The following UBE2E2 variants were observed in gnomAD, a reference collection of about 807,000 sequenced individuals.
UBE2E2 encodes the protein ubiquitin conjugating enzyme E2 E2, also known as ubiquitin-conjugating enzyme E2 E2.
UBE2E2 carries 6 observed loss-of-function variants against 24.7 expected under a neutral mutation model. The observed-to-expected ratio is 0.24, with a 90% CI of 0.13 to 0.48. The LOEUF is 0.48. UBE2E2 is among the 20% of genes least tolerant of loss of function. UBE2E2 has a pLI of 0.99. For synonymous variants in UBE2E2, 104 were observed against 83.6 expected (o/e 1.24, Z -1.33); for missense variants, 169 against 245.0 (o/e 0.69, Z 2.07).
intron 3 of UBE2E2, among the ~76,000 whole-genome samples, chr3:23,390,397 CA>C (rs1696907310): frequency 6.6e-6 from 1 of 152,162 alleles, no homozygotes; most frequent in African/African-American, 2.4e-5. Context: ...TAAGTTGAGA[CA>C]ACATGGCTTC....
At chr3:23,464,501 T>C (rs116272373) in intron 3 of UBE2E2, among the ~76,000 whole-genome samples, 3 of 152,278 alleles carry the variant, frequency 2.0e-5, no homozygotes, top group African/African-American at 7.2e-5. Context: ...GGGAGATATA[T>C]ATATATAAAG....
chr3:23,529,163 G>T (rs11713090), intron 4 of UBE2E2, among the ~76,000 whole-genome samples: 25,855 of 152,162 alleles, frequency 0.17, 2,365 homozygotes, highest in Middle Eastern at 0.24. Flanking sequence ...GGCAACTATG[G>T]CTATCGCAGG....
At chr3:23,431,905 G>A (rs901024576) in intron 3 of UBE2E2, among the ~76,000 whole-genome samples, 1 of 152,138 alleles carries the variant, frequency 6.6e-6, no homozygotes, top group African/African-American at 2.4e-5. Flanking sequence ...AGTACAAGCT[G>A]ATAAGTAGTC....
At chr3:23,362,881 T>G (rs1262274694) in intron 3 of UBE2E2, among the ~76,000 whole-genome samples, 1 of 152,134 alleles carries the variant, frequency 6.6e-6, no homozygotes, top group Non-Finnish European at 1.5e-5. Flanking sequence ...GCTTGTAAAG[T>G]GTCTAGAGAG....
intron 5 of UBE2E2, among the ~76,000 whole-genome samples, chr3:23,578,901 A>G (rs1470767483): frequency 6.6e-6 from 1 of 152,162 alleles, no homozygotes; most frequent in East Asian, 1.9e-4. Context: ...AAACATGCAC[A>G]TCCTGCACAT....
intron 3 of UBE2E2, among the ~76,000 whole-genome samples, chr3:23,458,425 TG>T (rs1698730138): frequency 6.6e-6 from 1 of 150,958 alleles, no homozygotes; most frequent in African/African-American, 2.4e-5. Flanking sequence ...GTGGTGGTGG[TG>T]GTTGTTGTTG....
intron 3 of UBE2E2, among the ~76,000 whole-genome samples, chr3:23,471,674 A>C (rs1238507968): frequency 6.6e-6 from 1 of 152,242 alleles, no homozygotes; most frequent in African/African-American, 2.4e-5. Flanking sequence ...GAAGCAGACA[A>C]ACCAAAGTTG....
chr3:23,224,163 T>G (rs888627194), intron 3 of UBE2E2, among the ~76,000 whole-genome samples: 16 of 149,034 alleles, frequency 1.1e-4, no homozygotes, highest in South Asian at 2.1e-4. Context: ...TAGGTTTTTT[T>G]TTTTTTTTTT....
chr3:23,341,628 C>T (rs1374235122), intron 3 of UBE2E2, among the ~76,000 whole-genome samples: 3 of 152,130 alleles, frequency 2.0e-5, no homozygotes, highest in Non-Finnish European at 4.4e-5. Flanking sequence ...AACTGTGTCT[C>T]CCACAGCTAC....
At chr3:23,371,652 A>G (rs1465064756) in intron 3 of UBE2E2, among the ~76,000 whole-genome samples, 1 of 152,182 alleles carries the variant, frequency 6.6e-6, no homozygotes, top group Non-Finnish European at 1.5e-5. Flanking sequence ...AGCAATTTTC[A>G]AAAGTTACAG....
At chr3:23,557,635 C>G (rs1275685522) in intron 5 of UBE2E2, among the ~76,000 whole-genome samples, 3 of 152,174 alleles carry the variant, frequency 2.0e-5, no homozygotes, top group Non-Finnish European at 4.4e-5. Context: ...AACAGTGGCT[C>G]TGTCAGGAAT....
intron 3 of UBE2E2, among the ~76,000 whole-genome samples, chr3:23,235,009 A>G (rs1697068595): frequency 6.6e-6 from 1 of 152,208 alleles, no homozygotes; most frequent in Non-Finnish European, 1.5e-5. Flanking sequence ...GTTAACATTC[A>G]TTTAACATTA....
At chr3:23,355,073 T>G in intron 3 of UBE2E2, among the ~76,000 whole-genome samples, 1 of 151,992 alleles carries the variant, frequency 6.6e-6, no homozygotes, top group Non-Finnish European at 1.5e-5. Context: ...GTTCATGTCC[T>G]TTGTAGGGAC....
At chr3:23,225,276 T>G (rs979529480) in intron 3 of UBE2E2, among the ~76,000 whole-genome samples, 15 of 152,076 alleles carry the variant, frequency 9.9e-5, no homozygotes, top group African/African-American at 3.4e-4. Context: ...TAATGACCTT[T>G]GAAACATAGA....
chr3:23,539,103 C>T (rs1238353798), intron 5 of UBE2E2, among the ~76,000 whole-genome samples: 2 of 152,102 alleles, frequency 1.3e-5, no homozygotes, highest in African/African-American at 4.8e-5. Context: ...CAAAGAGTTA[C>T]CAAGAAAGGA....
At chr3:23,503,431 T>C (rs1694336115) in intron 4 of UBE2E2, among the ~76,000 whole-genome samples, 2 of 152,110 alleles carry the variant, frequency 1.3e-5, no homozygotes, top group South Asian at 4.2e-4. Flanking sequence ...CCTCAGGTGA[T>C]CCACCTGCTT....
At chr3:23,528,835 C>T (rs190983614) in intron 4 of UBE2E2, among the ~76,000 whole-genome samples, 5 of 152,230 alleles carry the variant, frequency 3.3e-5, no homozygotes, top group Admixed American at 2.0e-4. Flanking sequence ...ATATCTAGCA[C>T]GCCTGTTTGG....
intron 3 of UBE2E2, among the ~76,000 whole-genome samples, chr3:23,225,772 G>A (rs1170212532): frequency 1.3e-5 from 2 of 152,104 alleles, no homozygotes; most frequent in African/African-American, 2.4e-5. Context: ...AACTCATTAG[G>A]TAAGGCATTC....
intron 3 of UBE2E2, among the ~76,000 whole-genome samples, chr3:23,378,236 T>TAAAAAAA (rs56808350): frequency 1.6e-4 from 19 of 118,058 alleles, no homozygotes; most frequent in East Asian, 7.7e-4. Flanking sequence ...AAATAAGCAG[T>TAAAAAAA]AAAAAAAAAA....
Sources: gnomAD v4.1 joint callset for allele counts (sites outside exome capture counted in the v4.1 genomes callset) on GRCh38, gnomAD v4.1.1 for gene constraint, MANE v1.5 for transcripts, NCBI Gene and HGNC (gene_info 2026-07-23, HGNC 2026-07-21) for gene names.